KHDC4: variants seen among roughly 807,000 people sequenced by gnomAD.
KHDC4 encodes the protein KH homology domain-containing protein 4.
Under a neutral mutation model 74.5 loss-of-function variants are expected in KHDC4, and 19 were observed. The ratio of observed to expected loss-of-function variants is 0.26; its 90% CI spans 0.18 to 0.37. The LOEUF (loss-of-function observed/expected upper bound fraction) is 0.37. Ranked by LOEUF, KHDC4 falls within the 10% of genes least tolerant of loss-of-function variation. The probability of loss-of-function intolerance (pLI) is 1.00; values close to 1 mark genes in which losing one functional copy is unlikely to be tolerated. For missense variants in KHDC4, 632 were observed against 754.1 expected, an observed-to-expected ratio of 0.84 and a Z score of 1.90; for synonymous variants, 253 against 266.1, an observed-to-expected ratio of 0.95 and a Z score of 0.48.
intron 13 of KHDC4, 84 bp from the exon 14 acceptor site, chr1:155,914,404 A>G (rs1673688361): frequency 8.6e-7 from 1 of 1,164,232 alleles, no homozygotes. Flanking sequence ...TAAAAAAAAG[A>G]TGTTAATTTT....
intron 7 of KHDC4, among the ~76,000 whole-genome samples, chr1:155,924,572 CTCTTT>C (rs1267480278): frequency 6.9e-6 from 1 of 145,494 alleles, no homozygotes; most frequent in African/African-American, 2.5e-5. Flanking sequence ...TCAATAATTT[CTCTTT>C]TTTTTTTTTT....
chr1:155,915,047 C>A (rs1177925087), intron 13 of KHDC4: 1 of 152,124 alleles, frequency 6.6e-6, no homozygotes, highest in Non-Finnish European at 1.5e-5. Context: ...TATTTTCTCT[C>A]TCTCTCTCTC....
chr1:155,926,479 G>A (rs377299273), intron 6 of KHDC4, 197 bp downstream of exon 6: 11 of 577,854 alleles, frequency 1.9e-5, no homozygotes, highest in East Asian at 3.1e-5. Flanking sequence ...ACAGGTGCCT[G>A]CCACCATGCC....
At chr1:155,921,254 A>C (rs625658) in intron 10 of KHDC4, 121 bp downstream of exon 10, 717,883 of 1,169,686 alleles carry the variant, frequency 0.61, 232,574 homozygotes, top group Non-Finnish European at 0.68. Context: ...AGGAACACAG[A>C]AGACAGCAGG....
chr1:155,914,076 T>C lies in KHDC4; in HGVS notation c.*45A>G. On this transcript the variant is annotated 3_prime_UTR_variant, in exon 14 of 14. Transcript: ENST00000368321. Reference sequence around the variant, plus strand: ...TTGTTAAATCAAATGCATGCATTATTGCTAAGAAGAGTCACTGAGGGTCAA... The same window carrying C: ...TTGTTAAATCAAATGCATGCATTATCGCTAAGAAGAGTCACTGAGGGTCAA... 2.0e-6 allele frequency: 3 copies of C among 1,491,326 alleles called. No individual in the cohort carries two copies. Among genetic ancestry groups the C allele is most frequent in the Non-Finnish European group, 2.8e-6 (3 of 1,068,358 alleles). 92.4% of individuals were successfully genotyped at this position (1,491,326 alleles called of 1,614,324 possible).
chr1:155,925,598 G>A (rs779663051), intron 7 of KHDC4, 34 bp downstream of exon 7: 11 of 1,566,556 alleles, frequency 7.0e-6, no homozygotes, highest in Non-Finnish European at 9.7e-6. Context: ...AAGTTGACAA[G>A]AATTCACATG....
intron 8 of KHDC4, among the ~76,000 whole-genome samples, chr1:155,922,338 G>A (rs1246553317): frequency 6.6e-6 from 1 of 151,996 alleles, no homozygotes; most frequent in African/African-American, 2.4e-5. Flanking sequence ...TAGAGACGGG[G>A]GTTTCACGAT....
chr1:155,929,251 G>T, intron 4 of KHDC4, 45 bp downstream of exon 4: 2 of 1,344,626 alleles, frequency 1.5e-6, no homozygotes, highest in Non-Finnish European at 2.1e-6. Context: ...GCTAACGTGA[G>T]TCATACACCC....
chr1:155,913,900 A>G lies in KHDC4; in HGVS notation c.*221T>C. 3.7e-6 allele frequency: 2 copies of G among 546,790 alleles called. No homozygotes were observed. Among genetic ancestry groups the G allele is most frequent in the Non-Finnish European group, 6.5e-6 (2 of 307,404 alleles). 33.9% of individuals were successfully genotyped at this position (546,790 alleles called of 1,614,324 possible). ...AACTGTTAAAAAGCTTCTGAGATAA[A>G]TTTGTGATTCTAATTAAATTTTAAC... On this transcript the variant is annotated 3_prime_UTR_variant, in exon 14 of 14. Coordinates refer to ENST00000368321, the MANE Select transcript of KHDC4 (RefSeq NM_014949.4).
At chr1:155,921,238 G>T in intron 10 of KHDC4, 137 bp downstream of exon 10, 2 of 946,430 alleles carry the variant, frequency 2.1e-6, no homozygotes, top group Non-Finnish European at 1.6e-6. Flanking sequence ...CAGGTAGGTT[G>T]GTGGTAGGAA....
intron 2 of KHDC4, among the ~76,000 whole-genome samples, chr1:155,931,567 G>C: frequency 6.6e-6 from 1 of 152,174 alleles, no homozygotes; most frequent in Non-Finnish European, 1.5e-5. Context: ...TGGAACCACA[G>C]GCATGCACCA....
intron 8 of KHDC4, among the ~76,000 whole-genome samples, 168 bp downstream of exon 8, chr1:155,923,459 C>A (rs2102602283): frequency 6.6e-6 from 1 of 152,330 alleles, no homozygotes; most frequent in East Asian, 1.9e-4. Flanking sequence ...TGATTTCAGA[C>A]TCTGCTTCCT....
Position 155,933,747 on chromosome 1 carries a change from G to A in KHDC4, c.141C>T (p.Gly47=). The change falls in exon 2 of 14, where the codon GGC becomes GGT. Residue 47 remains glycine (G), a synonymous_variant. Coordinates refer to ENST00000368321, the MANE Select transcript of KHDC4 (RefSeq NM_014949.4). ...AGGCTCCTGAAGGAGCAGCTGTGGT[G>A]CCCCCAGGACTTCCCCCACTGCTGG... The part of the protein sequence containing the change: ...EVTSSGGSPG[G]TTAAPSGALD... 2 of 1,605,998 alleles carry A rather than the reference G, an allele frequency of 1.2e-6. No individual in the cohort carries two copies. Among genetic ancestry groups the A allele is most frequent in the Non-Finnish European group, 1.7e-6 (2 of 1,175,558 alleles).
chr1:155,924,570 TTC>T lies in KHDC4; in HGVS notation c.894-885_894-884del, dbSNP rs1481792778. On this transcript the variant is annotated intron_variant, in intron 7 of 13. Coordinates refer to ENST00000368321, the MANE Select transcript of KHDC4 (RefSeq NM_014949.4). ...TAATTCCGTCTCCTAATTCAATAAT[TTC>T]TCTTTTTTTTTTTTTTTTTGAGATG... is the stretch of plus-strand genomic sequence containing the variant. 5.7e-4 allele frequency among the ~76,000 whole-genome samples: 85 copies of T among 148,834 alleles called. 1 individual carries two copies. Among genetic ancestry groups the T allele is most frequent in the Admixed American group, 5.0e-3 (74 of 14,802 alleles).
intron 11 of KHDC4, chr1:155,916,980 T>C (rs1458904007): frequency 6.0e-6 from 2 of 334,262 alleles, no homozygotes; most frequent in African/African-American, 4.3e-5. Flanking sequence ...TTTAACTGAC[T>C]GCCCATAGCT....
chr1:155,929,677 A>T (rs1390261777), intron 3 of KHDC4, 35 bp downstream of exon 3: 1 of 1,596,894 alleles, frequency 6.3e-7, no homozygotes, highest in African/African-American at 1.3e-5. Context: ...GAATCCACTC[A>T]CCGCCCTCCC....
rs1674010328 is a variant in KHDC4, at chr1:155,926,765, T to C, written c.592A>G (p.Asn198Asp). 6.2e-7 allele frequency: 1 copy of C among 1,614,208 alleles called. No individual in the cohort carries two copies. Among genetic ancestry groups the C allele is most frequent in the Non-Finnish European group, 8.5e-7 (1 of 1,180,034 alleles). The change falls in exon 6 of 14, where the codon AAT becomes GAT. Residue 198 changes from asparagine to aspartate, a missense_variant. Coordinates refer to ENST00000368321, the MANE Select transcript of KHDC4 (RefSeq NM_014949.4). ...KAATGTSPTFNGATVTVYHQP... is the reference protein window; with the variant it reads ...KAATGTSPTFDGATVTVYHQP... ...TGATAGACAGTTACTGTTGCACCAT[T>C]AAAAGTTGGACTTGTTCCTGTGGCA...
chr1:155,913,487 G>A lies in KHDC4; in HGVS notation c.*634C>T, dbSNP rs929362345. ...AAACAGTAATGGCTATGAGACCAAT[G>A]TGCCTGAAGGTGCCAGCTTTGGATC... On this transcript the variant is annotated 3_prime_UTR_variant, in exon 14 of 14. Transcript: ENST00000368321. 2 of 152,402 alleles carry A rather than the reference G, an allele frequency of 1.3e-5. No individual in the cohort carries two copies. Among genetic ancestry groups the A allele is most frequent in the Non-Finnish European group, 2.9e-5 (2 of 68,112 alleles). 9.4% of individuals were successfully genotyped at this position (152,402 alleles called of 1,614,324 possible). A position where few individuals can be genotyped will look rare whatever the true frequency, so the allele number is the denominator to read the frequency against.
rs759481227 is a variant in KHDC4 at position 155,917,525 on chromosome 1, G to A, written c.1414C>T (p.Arg472Trp). 27 of 1,434,574 alleles carry A rather than the reference G, an allele frequency of 1.9e-5. No homozygotes were observed. Among genetic ancestry groups the A allele is most frequent in the Middle Eastern group, 2.0e-4 (1 of 4,990 alleles). The allele number at this position is 1,434,574 out of a possible 1,614,324, so 88.9% of individuals were successfully genotyped here. A position where few individuals can be genotyped will look rare whatever the true frequency, so the allele number is the denominator to read the frequency against. The stretch of plus-strand genomic sequence containing the variant: ...TGGTATCCAAGCAGTCCAGATTCCC[G>A]TTCATCTGGTAGCTCCTCTGTGAAT... Reference protein sequence around the residue: ...RRFTEELPDERESGLLGYQHG... With the variant: ...RRFTEELPDEWESGLLGYQHG... Residue 472 changes from arginine (R) to tryptophan (W), a missense_variant, in exon 11 of 14, where the codon CGG (arginine) becomes TGG (tryptophan). By Grantham distance (101) the Arg-to-Trp change is moderately radical. Transcript: ENST00000368321.
Sources: gnomAD v4.1 joint callset for allele counts (sites outside exome capture counted in the v4.1 genomes callset) on GRCh38, gnomAD v4.1.1 for gene constraint, MANE v1.5 for transcripts, NCBI Gene and HGNC (gene_info 2026-07-23, HGNC 2026-07-21) for gene names.